Variants in SORCS3 observed in about 807,000 individuals in gnomAD.
SORCS3 encodes the protein sortilin related VPS10 domain containing receptor 3.
SORCS3 carries 57 observed loss-of-function variants against 146.3 expected under a neutral mutation model. That is an observed-to-expected ratio of 0.39 (90% CI 0.31 to 0.49). The LOEUF is 0.49. Among genes scored for constraint, SORCS3 ranks in the 20% least tolerant of loss-of-function variants. The pLI is 0.92. For synonymous variants in SORCS3, 653 were observed against 618.5 expected (o/e 1.06, Z -0.83); for missense variants, 1,341 against 1,575.5 (o/e 0.85, Z 2.52).
chr10:105,254,516 A>G (rs1239571999), intron 23 of SORCS3, among the ~76,000 whole-genome samples: 2 of 152,200 alleles, frequency 1.3e-5, no homozygotes, highest in Non-Finnish European at 2.9e-5. Context: ...TATACATAGG[A>G]GAATGGTTCT....
chr10:105,216,877 A>AAT, intron 18 of SORCS3, 59 bp from the exon 19 acceptor site: 2 of 1,548,556 alleles, frequency 1.3e-6, no homozygotes, highest in Non-Finnish European at 1.8e-6. Flanking sequence ...AGGAGGAAGC[A>AAT]TCAGATAGGA....
chr10:105,184,651 A>G (rs1462307530), intron 14 of SORCS3, among the ~76,000 whole-genome samples: 1 of 152,214 alleles, frequency 6.6e-6, no homozygotes, highest in Non-Finnish European at 1.5e-5. Flanking sequence ...AAAAAGTTTT[A>G]TTGAGATATA....
At chr10:105,246,766 A>G (rs2056868698) in intron 21 of SORCS3, among the ~76,000 whole-genome samples, 1 of 152,264 alleles carries the variant, frequency 6.6e-6, no homozygotes, top group Non-Finnish European at 1.5e-5. Flanking sequence ...CAACCAGGTC[A>G]AGATACAAAG....
intron 14 of SORCS3, among the ~76,000 whole-genome samples, chr10:105,183,467 G>C (rs1050893006): frequency 2.0e-5 from 3 of 152,272 alleles, no homozygotes; most frequent in Non-Finnish European, 2.9e-5. Flanking sequence ...CAACGCAGAG[G>C]CTCAGCACTG....
chr10:104,707,346 T>A (rs373019609), intron 1 of SORCS3, among the ~76,000 whole-genome samples: 1 of 152,340 alleles, frequency 6.6e-6, no homozygotes. Context: ...AGCCATTCAG[T>A]AAGATACTTA....
intron 1 of SORCS3, among the ~76,000 whole-genome samples, chr10:104,777,006 G>T (rs2133488127): frequency 6.6e-6 from 1 of 151,912 alleles, no homozygotes; most frequent in South Asian, 2.1e-4. Context: ...AGGGAGATGG[G>T]GGTGGTGGGG....
At position 104,652,689 on chromosome 10, in the gene SORCS3, G is replaced by A. The variant is rs116165913; in HGVS notation, c.627+10735G>A. 3.7e-3 allele frequency among the ~76,000 whole-genome samples: 562 copies of A among 152,166 alleles called. 6 individuals are homozygous for A. Among genetic ancestry groups the A allele is most frequent in the African/African-American group, 0.013 (542 of 41,500 alleles). On this transcript the variant is annotated intron_variant, in intron 1 of 26. Transcript: ENST00000369701. ...TGTTGTACAATTTTTTTCAAGTCAC[G>A]TCTGATAATAATAAAATTCTCAGAT... is the stretch of plus-strand genomic sequence containing the variant.
chr10:104,851,462 T>C (rs930842204), intron 2 of SORCS3, among the ~76,000 whole-genome samples: 2 of 152,188 alleles, frequency 1.3e-5, no homozygotes, highest in Non-Finnish European at 2.9e-5. Context: ...CAGCCTGAGC[T>C]CTCTCTCATT....
At chr10:104,719,155 A>G (rs527844551) in intron 1 of SORCS3, among the ~76,000 whole-genome samples, 37 of 152,304 alleles carry the variant, frequency 2.4e-4, no homozygotes, top group Admixed American at 2.2e-3. Flanking sequence ...GCCCATCTCA[A>G]TTCTGACTAG....
intron 1 of SORCS3, among the ~76,000 whole-genome samples, chr10:104,740,971 A>G (rs1470799676): frequency 1.3e-5 from 2 of 151,360 alleles, no homozygotes; most frequent in Non-Finnish European, 2.9e-5. Context: ...TATTATTATT[A>G]TTATTTTGGA....
chr10:105,236,533 G>C (rs2056793967), intron 20 of SORCS3, among the ~76,000 whole-genome samples: 1 of 152,096 alleles, frequency 6.6e-6, no homozygotes. Context: ...TCATTTACCT[G>C]ATGATGATCT....
At chr10:104,659,801 G>T (rs2015677612) in intron 1 of SORCS3, among the ~76,000 whole-genome samples, 2 of 152,202 alleles carry the variant, frequency 1.3e-5, no homozygotes, top group Admixed American at 6.5e-5. Context: ...TAGATAAGAG[G>T]TCCTGGAGAT....
intron 1 of SORCS3, among the ~76,000 whole-genome samples, chr10:104,805,083 C>G (rs540790948): frequency 6.6e-6 from 1 of 152,278 alleles, no homozygotes; most frequent in South Asian, 2.1e-4. Context: ...TAATGAACAC[C>G]CATCTGTCAC....
At position 104,641,816 on chromosome 10, in the gene SORCS3, T is replaced by C; in HGVS notation, c.489T>C (p.Gly163=). ...GAGGAAGCCGTCCCCTTGCTAAGGG[T>C]TCCCGGGAGGAGGTGAAGGCGCCGC... ...GSRGSRPLAK[G]SREEVKAPRA... is the part of the protein sequence containing the mutation. The change falls in exon 1 of 27, where the codon GGT becomes GGC. Residue 163 remains glycine, a synonymous_variant. Coordinates refer to ENST00000369701, the MANE Select transcript of SORCS3 (RefSeq NM_014978.3). This position sits in a 1 kb window ranked among gnomAD's most constrained non-coding sequence, Gnocchi z 6.4. The C allele has an allele frequency of 4.5e-6, 7 of 1,554,754 alleles. No homozygotes were observed. The highest frequency in any genetic ancestry group is 6.1e-6 in the Non-Finnish European group (7 of 1,150,902).
rs777247376 is a variant in SORCS3 at position 105,105,455 on chromosome 10, T to C, written c.1152T>C (p.Pro384=). 5.6e-6 allele frequency: 9 copies of C among 1,613,546 alleles called. No homozygotes were observed. The South Asian group carries it at 9.9e-5, about 18-fold the overall frequency. The change falls in exon 7 of 27, where the codon CCT becomes CCC. Residue 384 remains proline, a synonymous_variant. Transcript: ENST00000369701. ...QECAETTRSG[P]FARSIDISSL... is the part of the protein sequence containing the mutation. ...GTGCCGAGACAACTAGAAGTGGGCCTTTTGCCCGCTCCATTGACATCAGTT... is the reference window on the plus strand; with the variant it reads ...GTGCCGAGACAACTAGAAGTGGGCCCTTTGCCCGCTCCATTGACATCAGTT...
chr10:104,642,908 A>C (rs1257571952), intron 1 of SORCS3, among the ~76,000 whole-genome samples: 1 of 152,166 alleles, frequency 6.6e-6, no homozygotes, highest in East Asian at 1.9e-4. Context: ...CCGACTGAGC[A>C]TCGCGCCTGC....
At chr10:105,010,680 T>A (rs1035370913) in intron 4 of SORCS3, among the ~76,000 whole-genome samples, 1 of 151,964 alleles carries the variant, frequency 6.6e-6, no homozygotes, top group Non-Finnish European at 1.5e-5. Flanking sequence ...CACAGTGAAG[T>A]GCATTTAAAT....
At chr10:104,746,250 C>T (rs1180756643) in intron 1 of SORCS3, among the ~76,000 whole-genome samples, 1 of 151,760 alleles carries the variant, frequency 6.6e-6, no homozygotes, top group South Asian at 2.1e-4. Context: ...CATTCTCCTG[C>T]CTCAGCCTCC....
intron 20 of SORCS3, among the ~76,000 whole-genome samples, chr10:105,234,342 A>G (rs1430839944): frequency 6.6e-6 from 1 of 151,852 alleles, no homozygotes; most frequent in Non-Finnish European, 1.5e-5. Context: ...TAGTTTGAAA[A>G]TGATACATCT....
Sources: allele counts gnomAD v4.1 joint callset (sites outside exome capture counted in the v4.1 genomes callset), GRCh38; gene constraint gnomAD v4.1.1; non-coding constraint Gnocchi (gnomAD v3.1); transcripts MANE v1.5; gene names NCBI Gene and HGNC (gene_info 2026-07-23, HGNC 2026-07-21).